FMO3: variants seen among roughly 807,000 people sequenced by gnomAD.
FMO3 encodes the protein flavin-containing monooxygenase 3.
A neutral mutation model predicts 39.4 loss-of-function variants in FMO3; 40 were observed. The observed-to-expected ratio is 1.02, with a 90% CI of 0.79 to 1.32. The LOEUF (loss-of-function observed/expected upper bound fraction) is 1.32, where lower values mean the gene tolerates loss of function less well. Ranked by LOEUF, FMO3 falls within the 40% of genes most tolerant of loss-of-function variation. The pLI is 0.00. For missense variants in FMO3, 680 were observed against 651.8 expected, an observed-to-expected ratio of 1.04 and a Z score of -0.47; for synonymous variants, 219 against 228.8, an observed-to-expected ratio of 0.96 and a Z score of 0.39.
intron 2 of FMO3, among the ~76,000 whole-genome samples, chr1:171,096,025 A>ATATATAAATATATAATCTATATT (rs1491256935): frequency 2.2e-5 from 1 of 45,972 alleles, no homozygotes; most frequent in Non-Finnish European, 3.6e-5. Flanking sequence ...ATTATATATT[A>ATATATAAATATATAATCTATATT]ATATATAATA....
At chr1:171,106,312 G>A (rs1444923241) in intron 3 of FMO3, among the ~76,000 whole-genome samples, 1 of 151,874 alleles carries the variant, frequency 6.6e-6, no homozygotes, top group Non-Finnish European at 1.5e-5. Flanking sequence ...AACTAATTTT[G>A]TATTTTTAGT....
Position 171,114,103 on chromosome 1 carries a change from G to A in FMO3, c.924G>A (p.Glu308=). 6.2e-7 allele frequency: 1 copy of A among 1,613,880 alleles called. No individual in the cohort carries two copies. The highest frequency in any genetic ancestry group is 8.5e-7 in the Non-Finnish European group (1 of 1,179,828). ...SVKPNVKEFT[E]TSAIFEDGTI... is the part of the protein sequence containing the mutation. ...AGCCTAACGTGAAGGAATTCACAGA[G>A]ACCTCGGCCATTTTTGAGGATGGGA... Residue 308 remains glutamate (E), a synonymous_variant, in exon 7 of 9, where the codon GAG becomes GAA. Transcript: ENST00000367755.
At chr1:171,098,191 T>A (rs1655192043) in intron 2 of FMO3, among the ~76,000 whole-genome samples, 1 of 152,340 alleles carries the variant, frequency 6.6e-6, no homozygotes, top group Non-Finnish European at 1.5e-5. Flanking sequence ...TTGGTTACTG[T>A]AGCCTTGTAG....
At chr1:171,113,897 GA>G (rs998050697) in intron 6 of FMO3, 109 bp from the exon 7 acceptor site, 641 of 702,386 alleles carry the variant, frequency 9.1e-4, no homozygotes, top group Middle Eastern at 2.1e-3. Context: ...CTATGCCTCA[GA>G]AAAAAAAAAT....
At chr1:171,103,642 C>A in intron 2 of FMO3, 143 bp from the exon 3 acceptor site, 1 of 719,130 alleles carries the variant, frequency 1.4e-6, no homozygotes, top group South Asian at 1.5e-5. Flanking sequence ...GAGACTTGAG[C>A]ATTCGTAGAT....
At chr1:171,103,604 T>C (rs910671707) in intron 2 of FMO3, among the ~76,000 whole-genome samples, 181 bp from the exon 3 acceptor site, 1 of 152,216 alleles carries the variant, frequency 6.6e-6, no homozygotes, top group Non-Finnish European at 1.5e-5. Flanking sequence ...ATATAGGTTA[T>C]ACGAAAATAC....
At chr1:171,091,110 C>G (rs780533173) in intron 1 of FMO3, 129 bp downstream of exon 1, 2 of 152,188 alleles carry the variant, frequency 1.3e-5, no homozygotes, top group Admixed American at 6.6e-5. Flanking sequence ...CCTGTAATCC[C>G]AGCTACTTGG....
At position 171,091,302 on chromosome 1, in the gene FMO3, C is replaced by A. The variant is rs373445511; in HGVS notation, c.-7+321C>A. Among the ~76,000 whole-genome samples, 7 of 151,620 alleles carry A rather than the reference C, an allele frequency of 4.6e-5. No individual in the cohort carries two copies. In the East Asian group the frequency reaches 1.2e-3, roughly 25 times the overall value. ...GTGGGATGGGTAAATGAAGAAGGAG[C>A]ATGCTGTAGTTTTATACCAAATATG... On this transcript the variant is annotated intron_variant, in intron 1 of 8. Transcript: ENST00000367755.
At chr1:171,101,940 T>C (rs934134389) in intron 2 of FMO3, 1 of 351,698 alleles carries the variant, frequency 2.8e-6, no homozygotes, top group African/African-American at 2.2e-5. Context: ...GGACTATGTA[T>C]CAATTTTTTT....
intron 2 of FMO3, among the ~76,000 whole-genome samples, chr1:171,096,545 ACT>A (rs1655076398): frequency 3.5e-4 from 23 of 65,122 alleles, no homozygotes; most frequent in South Asian, 5.1e-4. Context: ...TTAAATACAT[ACT>A]ATACTTTATA....
rs1299361810 is a variant in FMO3, at chr1:171,096,501, C to T, written c.132+3711C>T. On this transcript the variant is annotated intron_variant, in intron 2 of 8. Coordinates refer to ENST00000367755, the MANE Select transcript of FMO3 (RefSeq NM_001002294.3). ...TTTTATATATTAAATACATAATATA[C>T]TTTATATATTAAATACATAATATAC... Among the ~76,000 whole-genome samples, 4 of 95,212 alleles carry T rather than the reference C, an allele frequency of 4.2e-5. 1 individual carries two copies. The highest frequency in any genetic ancestry group is 7.6e-4 in the South Asian group (2 of 2,642). 62.5% of individuals were successfully genotyped at this position (95,212 alleles called of 152,430 possible). A position where few individuals can be genotyped will look rare whatever the true frequency, so the allele number is the denominator to read the frequency against.
intron 2 of FMO3, among the ~76,000 whole-genome samples, chr1:171,094,481 A>G (rs1258672776): frequency 2.0e-5 from 3 of 152,054 alleles, no homozygotes; most frequent in Non-Finnish European, 4.4e-5. Flanking sequence ...TATTTTTATT[A>G]CATTTGCTTT....
chr1:171,092,152 A>AT (rs960362331), intron 1 of FMO3, among the ~76,000 whole-genome samples: 20 of 151,374 alleles, frequency 1.3e-4, no homozygotes, highest in East Asian at 1.9e-4. Context: ...CAAAGTGCTT[A>AT]TTTTTTTTTC....
In FMO3 at chr1:171,117,662, G is replaced by T; in HGVS notation, c.*220G>T. The stretch of plus-strand genomic sequence containing the variant: ...AAGAGAGCACTAATCATTTCTGTTT[G>T]AGTTCCACTAACACTTCAAAATCAG... On this transcript the variant is annotated 3_prime_UTR_variant, in exon 9 of 9. Coordinates refer to ENST00000367755, the MANE Select transcript of FMO3 (RefSeq NM_001002294.3). The T allele has an allele frequency of 2.2e-6, 1 of 454,574 alleles. No homozygotes were observed. The highest frequency in any genetic ancestry group is 3.9e-6 in the Non-Finnish European group (1 of 257,352). 28.2% of individuals were successfully genotyped at this position (454,574 alleles called of 1,614,324 possible).
chr1:171,110,713 A>G, intron 5 of FMO3, 85 bp from the exon 6 acceptor site: 1 of 1,238,148 alleles, frequency 8.1e-7, no homozygotes, highest in Non-Finnish European at 1.2e-6. Flanking sequence ...TAATAGATCC[A>G]TTCCTCAAGA....
At chr1:171,114,449 A>G in intron 7 of FMO3, 87 bp downstream of exon 7, 1 of 986,788 alleles carries the variant, frequency 1.0e-6, no homozygotes, top group Non-Finnish European at 1.6e-6. Flanking sequence ...AATCCTAGTT[A>G]CAAGGTCCCC....
Position 171,116,244 on chromosome 1 carries a change from A to T in FMO3, c.1220A>T (p.Asn407Ile), listed in dbSNP as rs1251944656. Residue 407 changes from asparagine to isoleucine, a missense_variant, in exon 8 of 9, where the codon AAT becomes ATT. Transcript: ENST00000367755. ...CTLPSMEDMM[N>I]DINEKMEKKR... ...TTGCCTTCTATGGAAGACATGATGA[A>T]TGATATTAATGAGAAAATGGAGAAA... The T allele has an allele frequency of 6.2e-7, 1 of 1,604,942 alleles. No homozygotes were observed. The highest frequency in any genetic ancestry group is 1.7e-5 in the Admixed American group (1 of 59,974).
At chr1:171,109,526 CTTTTTTTTTTTTT>C (rs780479699) in intron 5 of FMO3, among the ~76,000 whole-genome samples, 3 of 58,994 alleles carry the variant, frequency 5.1e-5, no homozygotes, top group African/African-American at 1.4e-4. Flanking sequence ...TTAGTCTCTT[CTTTTTTTTTTTTT>C]TTTTTTTTTT....
At position 171,111,015 on chromosome 1, in the gene FMO3, G is replaced by A. The variant is rs751959458; in HGVS notation, c.827+18G>A. The A allele has an allele frequency of 1.3e-5, 21 of 1,598,868 alleles. No individual in the cohort carries two copies. In the South Asian group the frequency reaches 1.3e-4, roughly 10 times the overall value. On this transcript the variant is annotated intron_variant, in intron 6 of 8. Transcript: ENST00000367755. Reference sequence around the variant, plus strand: ...TTAAATGGGTAATGCAGAGCTAAACGTGATATGCCTGCTGGCTTTTAGTTC... The same window carrying A: ...TTAAATGGGTAATGCAGAGCTAAACATGATATGCCTGCTGGCTTTTAGTTC...
Sources: gnomAD v4.1 joint callset for allele counts (sites outside exome capture counted in the v4.1 genomes callset) on GRCh38, gnomAD v4.1.1 for gene constraint, MANE v1.5 for transcripts, NCBI Gene and HGNC (gene_info 2026-07-23, HGNC 2026-07-21) for gene names.